CACNB2: variants seen among roughly 807,000 people sequenced by gnomAD.
The protein encoded by CACNB2 is voltage-dependent L-type calcium channel subunit beta-2.
CACNB2 carries 42 observed loss-of-function variants against 73.3 expected under a neutral mutation model. The observed-to-expected ratio is 0.57, with a 90% CI of 0.45 to 0.74. The LOEUF is 0.74. CACNB2 is among the 30% of genes least tolerant of loss of function. The probability of loss-of-function intolerance (pLI) is 0.00; values close to 1 mark genes in which losing one functional copy is unlikely to be tolerated. For missense variants in CACNB2, 940 were observed against 853.0 expected, an observed-to-expected ratio of 1.10 and a Z score of -1.27; for synonymous variants, 348 against 310.3, an observed-to-expected ratio of 1.12 and a Z score of -1.28.
chr10:18,510,801 G>T (rs1344404491), intron 6 of CACNB2, among the ~76,000 whole-genome samples: 1 of 152,172 alleles, frequency 6.6e-6, no homozygotes, highest in South Asian at 2.1e-4. Flanking sequence ...CCCAATAAAA[G>T]ATGAGAAAGA....
intron 2 of CACNB2, among the ~76,000 whole-genome samples, chr10:18,369,778 A>T (rs7072277): frequency 5.3e-5 from 8 of 151,862 alleles, no homozygotes; most frequent in African/African-American, 1.9e-4. Flanking sequence ...GTGGTGGCAC[A>T]TACCTGTAGT....
At chr10:18,228,953 G>A (rs2131437091) in intron 2 of CACNB2, among the ~76,000 whole-genome samples, 2 of 152,230 alleles carry the variant, frequency 1.3e-5, no homozygotes, top group Admixed American at 1.3e-4. Context: ...CGTGGGCCAA[G>A]CTGGTCTCGA....
At chr10:18,507,613 C>T (rs181739017) in intron 6 of CACNB2, among the ~76,000 whole-genome samples, 20 of 151,880 alleles carry the variant, frequency 1.3e-4, no homozygotes, top group African/African-American at 4.1e-4. Flanking sequence ...TCTATATAGA[C>T]AGGAGACTAA....
At chr10:18,218,498 A>G (rs550743952) in intron 2 of CACNB2, among the ~76,000 whole-genome samples, 4 of 152,298 alleles carry the variant, frequency 2.6e-5, no homozygotes, top group African/African-American at 9.6e-5. Context: ...ATGAATGTGT[A>G]TGTGTAGCAC....
chr10:18,417,324 C>G (rs1006659029), intron 3 of CACNB2, among the ~76,000 whole-genome samples: 1 of 144,620 alleles, frequency 6.9e-6, no homozygotes, highest in Non-Finnish European at 1.5e-5. Context: ...TTTTACACTT[C>G]AACATTATTT....
At chr10:18,152,898 T>G (rs1391893883) in intron 2 of CACNB2, among the ~76,000 whole-genome samples, 9 of 152,106 alleles carry the variant, frequency 5.9e-5, no homozygotes, top group African/African-American at 2.2e-4. Flanking sequence ...ATTAGTCATT[T>G]AATCCCTGTA....
chr10:18,357,938 G>A (rs966439686), intron 2 of CACNB2, among the ~76,000 whole-genome samples: 9 of 152,120 alleles, frequency 5.9e-5, no homozygotes, highest in Admixed American at 2.6e-4. Context: ...CCTGCATGGC[G>A]GGCAGGAATC....
chr10:18,166,644 T>C (rs2131124054), intron 2 of CACNB2, among the ~76,000 whole-genome samples: 1 of 152,334 alleles, frequency 6.6e-6, no homozygotes, highest in Admixed American at 6.5e-5. Context: ...TTGTGAAGTC[T>C]AGTCCAGGAC....
At chr10:18,152,503 C>T (rs899237282) in intron 2 of CACNB2, among the ~76,000 whole-genome samples, 1 of 151,826 alleles carries the variant, frequency 6.6e-6, no homozygotes, top group Admixed American at 6.6e-5. Flanking sequence ...CTCATGTTTT[C>T]GTGGGCAGAA....
intron 2 of CACNB2, among the ~76,000 whole-genome samples, chr10:18,266,272 C>A (rs1223862565): frequency 6.6e-6 from 1 of 152,136 alleles, no homozygotes; most frequent in Non-Finnish European, 1.5e-5. Flanking sequence ...CTGCCAAAGG[C>A]CACAGAGTCT....
chr10:18,212,968 TA>T (rs1415349975), intron 2 of CACNB2, among the ~76,000 whole-genome samples: 1 of 152,230 alleles, frequency 6.6e-6, no homozygotes, highest in Non-Finnish European at 1.5e-5. Context: ...AGCACTGGTT[TA>T]AGTTTCTCTG....
intron 2 of CACNB2, among the ~76,000 whole-genome samples, chr10:18,393,719 A>C (rs1222597455): frequency 6.6e-6 from 1 of 152,194 alleles, no homozygotes; most frequent in African/African-American, 2.4e-5. Context: ...CAAAGAGAGA[A>C]AAACTTAAAT....
chr10:18,189,155 T>A (rs1193752154), intron 2 of CACNB2, among the ~76,000 whole-genome samples: 1 of 152,064 alleles, frequency 6.6e-6, no homozygotes, highest in South Asian at 2.1e-4. Context: ...TAAAAAAAAA[T>A]TCCTCAAAGT....
At chr10:18,390,471 C>T (rs2043420365) in intron 2 of CACNB2, among the ~76,000 whole-genome samples, 1 of 152,202 alleles carries the variant, frequency 6.6e-6, no homozygotes, top group African/African-American at 2.4e-5. Context: ...CTTGGCCTCC[C>T]AAAGTGCTGG....
chr10:18,371,003 G>A (rs2042558395), intron 2 of CACNB2, among the ~76,000 whole-genome samples: 2 of 152,102 alleles, frequency 1.3e-5, no homozygotes, highest in South Asian at 4.2e-4. Flanking sequence ...GATAATTACT[G>A]AGTATTTACT....
At chr10:18,341,190 G>A (rs946130620) in intron 2 of CACNB2, among the ~76,000 whole-genome samples, 1 of 152,190 alleles carries the variant, frequency 6.6e-6, no homozygotes. Flanking sequence ...GTTTTAAACT[G>A]TATGTTACTG....
chr10:18,407,079 G>A (rs1187537622), intron 3 of CACNB2, among the ~76,000 whole-genome samples: 3 of 136,846 alleles, frequency 2.2e-5, no homozygotes, highest in Non-Finnish European at 4.6e-5. Flanking sequence ...TTACTTCATG[G>A]TCTTCTAAAG....
chr10:18,237,111 A>C (rs1038058607), intron 2 of CACNB2, among the ~76,000 whole-genome samples: 1 of 152,144 alleles, frequency 6.6e-6, no homozygotes, highest in Non-Finnish European at 1.5e-5. Context: ...GGTCAGTGTT[A>C]TTGTAGGGTA....
At chr10:18,174,196 C>G (rs1447706346) in intron 2 of CACNB2, among the ~76,000 whole-genome samples, 1 of 150,146 alleles carries the variant, frequency 6.7e-6, no homozygotes, top group Non-Finnish European at 1.5e-5. Flanking sequence ...CTCCCTCCCT[C>G]CCTCCTTCTT....
Sources: allele counts gnomAD v4.1 joint callset (sites outside exome capture counted in the v4.1 genomes callset), GRCh38; gene constraint gnomAD v4.1.1; transcripts MANE v1.5; gene names NCBI Gene and HGNC (gene_info 2026-07-23, HGNC 2026-07-21).